PTP4A3: variants seen among roughly 807,000 people sequenced by gnomAD.
PTP4A3 encodes the protein protein tyrosine phosphatase type IVA 3.
In PTP4A3, 9 loss-of-function variants were observed where a neutral mutation model predicts 15.2. That is an observed-to-expected ratio of 0.59 (90% CI 0.36 to 1.03). PTP4A3 has a LOEUF of 1.03. PTP4A3 is among the 50% of genes least tolerant of loss of function. The pLI, the probability that PTP4A3 is intolerant of heterozygous loss-of-function variation, is 0.02. For missense variants in PTP4A3, 234 were observed against 252.1 expected (o/e 0.93, Z 0.49); for synonymous variants, 95 against 102.0 (o/e 0.93, Z 0.41).
chr8:141,424,308 T>G (rs1833467817), intron 2 of PTP4A3, among the ~76,000 whole-genome samples: 1 of 152,026 alleles, frequency 6.6e-6, no homozygotes, highest in Non-Finnish European at 1.5e-5. Flanking sequence ...TCCTCCGCAG[T>G]GGGGGTATAA....
chr8:141,431,809 G>C lies in PTP4A3; in HGVS notation c.*765G>C, dbSNP rs937273382. On this transcript the variant is annotated 3_prime_UTR_variant, in exon 6 of 6. Transcript: ENST00000521578. ...AGGCAGGTCACCAGCACTGTCCTCT[G>C]CAGGATGGGCTGGGATTCATTTGGC... 6.6e-6 allele frequency: 1 copy of C among 152,404 alleles called. No individual in the cohort carries two copies. The highest frequency in any genetic ancestry group is 2.1e-4 in the South Asian group (1 of 4,838). 9.4% of individuals were successfully genotyped at this position (152,404 alleles called of 1,614,324 possible).
At position 141,427,836 on chromosome 8, in the gene PTP4A3, C is replaced by A; in HGVS notation, c.404+12C>A. The stretch of plus-strand genomic sequence containing the variant: ...CAGTTCATCCGCCAGTGAGTGGCCG[C>A]GGTGGTGGGGTGGGCTGTGAGCGCT... On this transcript the variant is annotated intron_variant, in intron 5 of 5. Transcript: ENST00000521578. 3 of 1,547,994 alleles carry A rather than the reference C, an allele frequency of 1.9e-6. No homozygotes were observed. In the South Asian group the frequency reaches 3.6e-5, roughly 18 times the overall value.
intron 1 of PTP4A3, among the ~76,000 whole-genome samples, chr8:141,415,891 C>T (rs1425842101): frequency 2.0e-5 from 3 of 151,416 alleles, no homozygotes; most frequent in South Asian, 2.1e-4. Flanking sequence ...GTGCATCAAG[C>T]GTGGGCTTGG....
Position 141,406,695 on chromosome 8 carries a change from C to T in PTP4A3, c.-854+14611C>T, listed in dbSNP as rs1401451018. On this transcript the variant is annotated intron_variant, in intron 1 of 5. Coordinates refer to ENST00000521578, the MANE Select transcript of PTP4A3 (RefSeq NM_032611.3). This position sits in a 1 kb window ranked among gnomAD's most constrained non-coding sequence, Gnocchi z 4.5. The stretch of plus-strand genomic sequence containing the variant: ...GGATTCTGTGTGGCACAGAAGATGG[C>T]GAGTGGTGACGGCTGTGTTGCCTGC... Among the ~76,000 whole-genome samples, 2 of 152,132 alleles carry T rather than the reference C, an allele frequency of 1.3e-5. No homozygotes were observed. The highest frequency in any genetic ancestry group is 2.1e-4 in the South Asian group (1 of 4,830).
Position 141,414,626 on chromosome 8 carries a change from G to C in PTP4A3, c.-853-6762G>C, listed in dbSNP as rs528481613. Among the ~76,000 whole-genome samples, 390 of 151,948 alleles carry C rather than the reference G, an allele frequency of 2.6e-3. 7 individuals are homozygous for C. The highest frequency in any genetic ancestry group is 8.9e-3 in the African/African-American group (370 of 41,360). ...GCTTGGGAAGAGCCCTGGACTGGGG[G>C]GGGGGTAGGGACTGTTGGGCAGCCC... On this transcript the variant is annotated intron_variant, in intron 1 of 5. Coordinates refer to ENST00000521578, the MANE Select transcript of PTP4A3 (RefSeq NM_032611.3).
chr8:141,399,105 TG>T (rs749420005), intron 1 of PTP4A3, among the ~76,000 whole-genome samples: 8 of 151,996 alleles, frequency 5.3e-5, no homozygotes, highest in Non-Finnish European at 1.0e-4. Context: ...CCAGGGTTTC[TG>T]CCCGCCTGCC....
At chr8:141,403,764 C>T (rs929317727) in intron 1 of PTP4A3, among the ~76,000 whole-genome samples, 1 of 152,264 alleles carries the variant, frequency 6.6e-6, no homozygotes, top group Non-Finnish European at 1.5e-5. Context: ...ACGGAACACA[C>T]ATCTCACGGC....
Position 141,418,448 on chromosome 8 carries a change from C to T in PTP4A3, c.-853-2940C>T, listed in dbSNP as rs184919209. 8.5e-5 allele frequency among the ~76,000 whole-genome samples: 13 copies of T among 152,322 alleles called. No homozygotes were observed. The East Asian group carries it at 1.4e-3, about 16-fold the overall frequency. ...GCCAGAGAGAACCCAGTTAACTGGA[C>T]GCCTGGTGTGGCCCTGGTGGAGAAT... On this transcript the variant is annotated intron_variant, in intron 1 of 5. Transcript: ENST00000521578.
intron 1 of PTP4A3, among the ~76,000 whole-genome samples, chr8:141,404,054 C>T (rs961944369): frequency 8.5e-5 from 13 of 152,270 alleles, no homozygotes; most frequent in African/African-American, 3.1e-4. Flanking sequence ...CATGCACAGC[C>T]ACACCCACTC....
Position 141,431,188 on chromosome 8 carries a change from C to G in PTP4A3, c.*144C>G, listed in dbSNP as rs1425641282. On this transcript the variant is annotated 3_prime_UTR_variant, in exon 6 of 6. Transcript: ENST00000521578. ...CATCGCCTTTTCCTCCCCGACACCT[C>G]CGTGCACTTGTGTCCGAGGAGCGAG... is the stretch of plus-strand genomic sequence containing the variant. The G allele has an allele frequency of 1.3e-6, 1 of 750,818 alleles. No individual in the cohort carries two copies. Among genetic ancestry groups the G allele is most frequent in the Non-Finnish European group, 2.2e-6 (1 of 449,020 alleles). The allele number at this position is 750,818 out of a possible 1,614,324, so 46.5% of individuals were successfully genotyped here.
At chr8:141,398,383 T>C (rs1036938554) in intron 1 of PTP4A3, among the ~76,000 whole-genome samples, 4 of 152,090 alleles carry the variant, frequency 2.6e-5, no homozygotes, top group African/African-American at 9.7e-5. Flanking sequence ...GAGCCAGCGT[T>C]GCTGATGTGG....
chr8:141,396,257 C>T (rs75326122), intron 1 of PTP4A3, among the ~76,000 whole-genome samples: 1 of 152,174 alleles, frequency 6.6e-6, no homozygotes, highest in East Asian at 1.9e-4. Flanking sequence ...AGACCTCTGG[C>T]GGGTAAGTGT....
intron 1 of PTP4A3, among the ~76,000 whole-genome samples, chr8:141,397,518 G>A (rs543217813): frequency 4.6e-5 from 7 of 152,350 alleles, no homozygotes; most frequent in Admixed American, 6.5e-5. Flanking sequence ...GCTGCCCCAC[G>A]CTGGGCACAT....
At chr8:141,417,589 G>A (rs1177133299) in intron 1 of PTP4A3, among the ~76,000 whole-genome samples, 4 of 152,122 alleles carry the variant, frequency 2.6e-5, no homozygotes, top group African/African-American at 9.7e-5. Context: ...ACAGGCCCGT[G>A]CAGCCCCATG....
chr8:141,416,006 C>T (rs562977946), intron 1 of PTP4A3, among the ~76,000 whole-genome samples: 6 of 152,106 alleles, frequency 3.9e-5, no homozygotes, highest in East Asian at 3.9e-4. Flanking sequence ...TAGACTTCTC[C>T]GAAAGGCCTG....
chr8:141,418,463 T>C (rs1444771624), intron 1 of PTP4A3, among the ~76,000 whole-genome samples: 1 of 152,218 alleles, frequency 6.6e-6, no homozygotes, highest in Non-Finnish European at 1.5e-5. Context: ...GGTGTGGCCC[T>C]GGTGGAGAAT....
At chr8:141,430,443 C>T (rs1833814273) in intron 5 of PTP4A3, among the ~76,000 whole-genome samples, 1 of 151,280 alleles carries the variant, frequency 6.6e-6, no homozygotes, top group East Asian at 2.0e-4. Context: ...TAGCCCAGGT[C>T]CCCGCTGTAA....
At position 141,406,343 on chromosome 8, in the gene PTP4A3, T is replaced by C. The variant is rs114913137; in HGVS notation, c.-854+14259T>C. On this transcript the variant is annotated intron_variant, in intron 1 of 5. Coordinates refer to ENST00000521578, the MANE Select transcript of PTP4A3 (RefSeq NM_032611.3). This position sits in a 1 kb window ranked among gnomAD's most constrained non-coding sequence, Gnocchi z 4.5. ...GCCTGGACTGGGGATTGTGGAGGCC[T>C]GTCCGTGCCCTGAAGCACTTCTGAG... Among the ~76,000 whole-genome samples, 193 of 152,234 alleles carry C rather than the reference T, an allele frequency of 1.3e-3. No individual in the cohort carries two copies. The highest frequency in any genetic ancestry group is 4.4e-3 in the African/African-American group (183 of 41,538).
chr8:141,393,953 A>G (rs1338474060), intron 1 of PTP4A3, among the ~76,000 whole-genome samples: 1 of 152,216 alleles, frequency 6.6e-6, no homozygotes, highest in East Asian at 1.9e-4. Context: ...GGCATTGGCC[A>G]ATTTCTGTGG....
Sources: allele counts gnomAD v4.1 joint callset (sites outside exome capture counted in the v4.1 genomes callset), GRCh38; gene constraint gnomAD v4.1.1; non-coding constraint Gnocchi (gnomAD v3.1); transcripts MANE v1.5; gene names NCBI Gene and HGNC (gene_info 2026-07-23, HGNC 2026-07-21).